NHS: variants seen among roughly 807,000 people sequenced by gnomAD.
NHS encodes NHS actin remodeling regulator.
Under a neutral mutation model 72.5 loss-of-function variants are expected in NHS, and 5 were observed. The observed-to-expected ratio is 0.07, with a 90% CI of 0.04 to 0.14. The LOEUF is 0.14. Among genes scored for constraint, NHS ranks in the 10% least tolerant of loss-of-function variants. The probability of loss-of-function intolerance (pLI) is 1.00; values close to 1 mark genes in which losing one functional copy is unlikely to be tolerated. For synonymous variants in NHS, 464 were observed against 547.7 expected, an observed-to-expected ratio of 0.85 and a Z score of 2.13; for missense variants, 1,072 against 1,355.7, an observed-to-expected ratio of 0.79 and a Z score of 3.29.
At chrX:17,392,618 A>G (rs764780750) in intron 1 of NHS, among the ~76,000 whole-genome samples, 1 of 112,423 alleles carries the variant, frequency 8.9e-6, no homozygotes, top group South Asian at 3.7e-4. Context: ...TCCAGTTTCT[A>G]GAGAAATGTT....
chrX:17,638,151 CATT>C (rs1394631361), intron 1 of NHS, among the ~76,000 whole-genome samples: 5 of 111,740 alleles, frequency 4.5e-5, no homozygotes, highest in Admixed American at 2.8e-4. Flanking sequence ...CAGCTACTGT[CATT>C]ATGTGTTCCC....
chrX:17,607,689 C>G (rs2065687974), intron 1 of NHS, among the ~76,000 whole-genome samples: 1 of 111,268 alleles, frequency 9.0e-6, no homozygotes, highest in Admixed American at 9.5e-5. Flanking sequence ...GAGCCACACT[C>G]AATCAAGTGC....
chrX:17,642,091 G>A (rs781701496), intron 1 of NHS, among the ~76,000 whole-genome samples: 6 of 111,291 alleles, frequency 5.4e-5, no homozygotes, highest in Admixed American at 9.5e-5. Flanking sequence ...GATTACAGGC[G>A]CAGGCCACCA....
chrX:17,651,661 G>T (rs1408495594), intron 1 of NHS, among the ~76,000 whole-genome samples: 1 of 112,024 alleles, frequency 8.9e-6, no homozygotes, highest in Non-Finnish European at 1.9e-5. Flanking sequence ...GGAGGCACAC[G>T]TAACTTCTGC....
chrX:17,717,904 A>G (rs1392407383), intron 3 of NHS, among the ~76,000 whole-genome samples: 1 of 112,238 alleles, frequency 8.9e-6, no homozygotes, highest in African/African-American at 3.2e-5. Context: ...CACTCCAACG[A>G]AAGCAAATAA....
chrX:17,433,791 T>G lies in NHS; in HGVS notation c.565+57469T>G, dbSNP rs917599148. ...TGGTTCAAGGTGATTTTTCTTCACT[T>G]TGACCTTTGAATTTATGGATTATAT... On this transcript the variant is annotated intron_variant, in intron 1 of 8. Coordinates refer to ENST00000676302, the MANE Select transcript of NHS (RefSeq NM_001291867.2). Among the ~76,000 whole-genome samples the G allele has an allele frequency of 2.7e-5, 3 of 112,277 alleles. No individual in the cohort carries two copies. In the South Asian group the frequency reaches 1.1e-3, roughly 41 times the overall value.
At chrX:17,404,813 C>G (rs1256771741) in intron 1 of NHS, among the ~76,000 whole-genome samples, 9 of 109,780 alleles carry the variant, frequency 8.2e-5, no homozygotes, top group Non-Finnish European at 1.5e-4. Context: ...GTCTCTCTCT[C>G]TCTCTCTCTC....
chrX:17,551,631 G>T (rs1485611432), intron 1 of NHS, among the ~76,000 whole-genome samples: 1 of 112,084 alleles, frequency 8.9e-6, no homozygotes, highest in Admixed American at 9.4e-5. Context: ...GGGTGCGGGG[G>T]GGCCCCTTGA....
At chrX:17,433,251 A>G (rs1405118108) in intron 1 of NHS, among the ~76,000 whole-genome samples, 1 of 87,549 alleles carries the variant, frequency 1.1e-5, no homozygotes, top group Non-Finnish European at 2.1e-5. Flanking sequence ...GGGTTTCACC[A>G]TGTTAGCCAG....
intron 1 of NHS, among the ~76,000 whole-genome samples, chrX:17,380,303 G>T (rs2064370134): frequency 9.0e-6 from 1 of 110,629 alleles, no homozygotes; most frequent in African/African-American, 3.3e-5. Flanking sequence ...CATTGGAGGG[G>T]TGGAGATGAA....
intron 1 of NHS, among the ~76,000 whole-genome samples, chrX:17,390,794 G>A (rs2064441246): frequency 8.9e-6 from 1 of 112,327 alleles, no homozygotes; most frequent in South Asian, 3.7e-4. Context: ...TATTGCGTAA[G>A]CTTGCCTCTT....
At chrX:17,546,175 C>G (rs767513590) in intron 1 of NHS, among the ~76,000 whole-genome samples, 1 of 111,865 alleles carries the variant, frequency 8.9e-6, no homozygotes, top group South Asian at 3.8e-4. Context: ...GGACTAGATT[C>G]TGGGGCCAAT....
intron 1 of NHS, among the ~76,000 whole-genome samples, chrX:17,534,087 G>A (rs2065211451): frequency 1.2e-5 from 1 of 85,264 alleles, no homozygotes; most frequent in Non-Finnish European, 2.2e-5. Context: ...ACTGTTGCCT[G>A]AAAGGTCATT....
At chrX:17,460,447 C>T (rs956600313) in intron 1 of NHS, among the ~76,000 whole-genome samples, 2 of 110,802 alleles carry the variant, frequency 1.8e-5, no homozygotes, top group African/African-American at 3.3e-5. Context: ...CAGGGGAAAC[C>T]GCCACTTTTA....
chrX:17,691,465 G>A (rs770584164), intron 2 of NHS, among the ~76,000 whole-genome samples: 1 of 112,039 alleles, frequency 8.9e-6, no homozygotes, highest in South Asian at 3.7e-4. Flanking sequence ...GCCAACATTT[G>A]TCAGAAGAAT....
chrX:17,449,415 G>A (rs1348509565), intron 1 of NHS, among the ~76,000 whole-genome samples: 1 of 112,360 alleles, frequency 8.9e-6, no homozygotes, highest in Non-Finnish European at 1.9e-5. Flanking sequence ...TATCAGTTAC[G>A]TGAAGTTCAA....
Position 17,726,599 on chromosome X carries a change from C to T in NHS, c.2493C>T (p.Asp831=). ...LPDCAWQDYL[D]HKRQGRPSIS... ...ATTGTGCCTGGCAGGACTACTTAGA[C>T]CACAAGAGGCAGGGAAGACCAAGCA... Residue 831 remains aspartate (D), a synonymous_variant, in exon 7 of 9, where the codon GAC becomes GAT. Transcript: ENST00000676302. 1 of 1,211,771 alleles carries T rather than the reference C, an allele frequency of 8.3e-7. No individual in the cohort carries two copies. Among genetic ancestry groups the T allele is most frequent in the East Asian group, 3.0e-5 (1 of 33,832 alleles).
intron 1 of NHS, among the ~76,000 whole-genome samples, chrX:17,534,412 G>A (rs1189943381): frequency 1.8e-5 from 2 of 110,783 alleles, no homozygotes; most frequent in Admixed American, 9.6e-5. Flanking sequence ...GCCAGCACAC[G>A]CCCTCATGTT....
At chrX:17,702,461 T>A (rs745342577) in intron 3 of NHS, among the ~76,000 whole-genome samples, 2 of 111,712 alleles carry the variant, frequency 1.8e-5, no homozygotes, top group East Asian at 5.7e-4. Context: ...GGCAGGCGGA[T>A]CACTTGAGGT....
Sources: gnomAD v4.1 joint callset for allele counts (sites outside exome capture counted in the v4.1 genomes callset) on GRCh38, gnomAD v4.1.1 for gene constraint, MANE v1.5 for transcripts, NCBI Gene and HGNC (gene_info 2026-07-23, HGNC 2026-07-21) for gene names.